Variants in SEPTIN9 observed in about 807,000 individuals in gnomAD.
SEPTIN9 encodes septin-9.
In SEPTIN9, 13 loss-of-function variants were observed where a neutral mutation model predicts 56.6. The ratio of observed to expected loss-of-function variants is 0.23; its 90% CI spans 0.15 to 0.37. SEPTIN9 has a LOEUF of 0.37. SEPTIN9 is among the 10% of genes least tolerant of loss of function. The pLI, the probability that SEPTIN9 is intolerant of heterozygous loss-of-function variation, is 1.00. For synonymous variants in SEPTIN9, 332 were observed against 334.1 expected, an observed-to-expected ratio of 0.99 and a Z score of 0.07; for missense variants, 650 against 823.1, an observed-to-expected ratio of 0.79 and a Z score of 2.57.
At chr17:77,363,999 G>C (rs1160728577) in intron 2 of SEPTIN9, among the ~76,000 whole-genome samples, 1 of 152,058 alleles carries the variant, frequency 6.6e-6, no homozygotes, top group Non-Finnish European at 1.5e-5. Context: ...AGTGAGGAGG[G>C]GGAACAGAGT....
intron 2 of SEPTIN9, chr17:77,375,961 TG>T: frequency 3.3e-6 from 1 of 304,796 alleles, no homozygotes; most frequent in Non-Finnish European, 4.8e-6. Context: ...CAGACAGACG[TG>T]GGGAAGGGAT....
intron 3 of SEPTIN9, among the ~76,000 whole-genome samples, chr17:77,448,288 C>T (rs892464406): frequency 6.6e-6 from 1 of 152,020 alleles, no homozygotes; most frequent in Non-Finnish European, 1.5e-5. Flanking sequence ...GCCTGGCCAA[C>T]ATGGTGAAAC....
chr17:77,303,928 C>T (rs950017487), intron 1 of SEPTIN9, among the ~76,000 whole-genome samples: 2 of 152,194 alleles, frequency 1.3e-5, no homozygotes, highest in African/African-American at 4.8e-5. Flanking sequence ...TTCCTGCCTC[C>T]TTTGCCTCCC....
rs566926651 is a variant in SEPTIN9 at position 77,428,497 on chromosome 17, G to C, written c.721+25794G>C. ...ACTAACAGTTCCACCCCCAAACTGG[G>C]TGGGAGTACCACATTCGAAATTGAA... On this transcript the variant is annotated intron_variant, in intron 3 of 11. Coordinates refer to ENST00000427177, the MANE Select transcript of SEPTIN9 (RefSeq NM_001113491.2). 4.6e-5 allele frequency among the ~76,000 whole-genome samples: 7 copies of C among 152,334 alleles called. No homozygotes were observed. In the South Asian group the frequency reaches 1.5e-3, roughly 32 times the overall value.
chr17:77,341,074 C>G (rs909043802), intron 2 of SEPTIN9, among the ~76,000 whole-genome samples: 1 of 152,228 alleles, frequency 6.6e-6, no homozygotes, highest in Non-Finnish European at 1.5e-5. Flanking sequence ...TTGCTTTCTT[C>G]TTCTTCATGT....
intron 3 of SEPTIN9, among the ~76,000 whole-genome samples, chr17:77,481,154 G>C (rs572419072): frequency 6.6e-6 from 1 of 152,188 alleles, no homozygotes; most frequent in Non-Finnish European, 1.5e-5. Context: ...GGCGTCTTCC[G>C]GGCGTCCGCC....
chr17:77,472,032 G>C (rs1409698813), intron 3 of SEPTIN9, among the ~76,000 whole-genome samples: 3 of 152,316 alleles, frequency 2.0e-5, no homozygotes, highest in African/African-American at 7.2e-5. Flanking sequence ...TGCAGCCTAA[G>C]TTCTGAGAGT....
chr17:77,352,854 G>T (rs923337025), intron 2 of SEPTIN9, among the ~76,000 whole-genome samples: 1 of 151,994 alleles, frequency 6.6e-6, no homozygotes, highest in Non-Finnish European at 1.5e-5. Context: ...TTGTAGAGAC[G>T]AGGGCCCAGG....
At position 77,324,845 on chromosome 17, in the gene SEPTIN9, G is replaced by A. The variant is rs571626432; in HGVS notation, c.76+17648G>A. Among the ~76,000 whole-genome samples, 15 of 143,458 alleles carry A rather than the reference G, an allele frequency of 1.0e-4. No homozygotes were observed. In the South Asian group the frequency reaches 3.3e-3, roughly 31 times the overall value. The allele number at this position is 143,458 out of a possible 152,430, so 94.1% of individuals were successfully genotyped here. On this transcript the variant is annotated intron_variant, in intron 2 of 11. Transcript: ENST00000427177. ...TTTTTTTTTTTTTTTTTGAGATGGAGTCTGACTCTGTTGCCCAGGCTGGAG... is the reference window on the plus strand; with the variant it reads ...TTTTTTTTTTTTTTTTTGAGATGGAATCTGACTCTGTTGCCCAGGCTGGAG...
At chr17:77,390,347 A>AC in intron 2 of SEPTIN9, among the ~76,000 whole-genome samples, 1 of 13,562 alleles carries the variant, frequency 7.4e-5, no homozygotes, top group South Asian at 2.2e-3. Context: ...ACTCCGTCTT[A>AC]AAAAAAAAAA....
At chr17:77,408,011 C>G (rs2036153838) in intron 3 of SEPTIN9, among the ~76,000 whole-genome samples, 1 of 151,732 alleles carries the variant, frequency 6.6e-6, no homozygotes, top group African/African-American at 2.4e-5. Context: ...CTCAGCCACA[C>G]CAGCCAAGTT....
At chr17:77,343,855 TAG>T (rs368038973) in intron 2 of SEPTIN9, among the ~76,000 whole-genome samples, 8 of 152,200 alleles carry the variant, frequency 5.3e-5, no homozygotes, top group African/African-American at 1.7e-4. Flanking sequence ...AGTGGAGAGA[TAG>T]AGTTTGTTTT....
intron 3 of SEPTIN9, among the ~76,000 whole-genome samples, chr17:77,472,120 C>A (rs771672504): frequency 2.6e-5 from 4 of 152,066 alleles, no homozygotes; most frequent in Non-Finnish European, 5.9e-5. Flanking sequence ...CAATAGGCCG[C>A]GGAGCCTGGG....
intron 3 of SEPTIN9, chr17:77,470,629 C>T (rs1260016410): frequency 6.6e-6 from 1 of 152,114 alleles, no homozygotes; most frequent in Non-Finnish European, 1.5e-5. Context: ...CATCCATTCA[C>T]CTGCCTGTTC....
intron 3 of SEPTIN9, among the ~76,000 whole-genome samples, chr17:77,415,359 C>T (rs1292848815): frequency 1.3e-5 from 2 of 151,998 alleles, no homozygotes; most frequent in Non-Finnish European, 2.9e-5. Flanking sequence ...GTAATCCCAG[C>T]ACTTTGGGAA....
chr17:77,365,001 T>C (rs312884), intron 2 of SEPTIN9, among the ~76,000 whole-genome samples: 118,410 of 152,178 alleles, frequency 0.78, 46,363 homozygotes, highest in East Asian at 0.97. Context: ...TTCCCATAGT[T>C]AGAGCATCGG....
intron 1 of SEPTIN9, among the ~76,000 whole-genome samples, chr17:77,302,406 G>A (rs1036817804): frequency 1.1e-4 from 16 of 152,172 alleles, no homozygotes; most frequent in South Asian, 8.3e-4. Flanking sequence ...CTGGCCGGGC[G>A]TGGTGGCTCA....
chr17:77,368,309 G>T (rs941315387), intron 2 of SEPTIN9, among the ~76,000 whole-genome samples: 32 of 145,476 alleles, frequency 2.2e-4, no homozygotes, highest in East Asian at 1.5e-3. Context: ...TGTCTTTTTT[G>T]TTTTTGTTTT....
chr17:77,450,871 G>A lies in SEPTIN9; in HGVS notation c.722-31273G>A. 1 of 926,386 alleles carries A rather than the reference G, an allele frequency of 1.1e-6. No individual in the cohort carries two copies. Among genetic ancestry groups the A allele is most frequent in the Non-Finnish European group, 1.3e-6 (1 of 776,072 alleles). 57.4% of individuals were successfully genotyped at this position (926,386 alleles called of 1,614,324 possible). A position where few individuals can be genotyped will look rare whatever the true frequency, so the allele number is the denominator to read the frequency against. On this transcript the variant is annotated intron_variant, in intron 3 of 11. Transcript: ENST00000427177. The surrounding 1 kb of genome is among the most constrained non-coding windows in gnomAD (Gnocchi z 6.0). ...CAGCCAGCAAGCACCTGGGGTAGAG[G>A]GGACAAACCCAGGTGGCTGTGTTCC... is the stretch of plus-strand genomic sequence containing the variant.
Sources: allele counts gnomAD v4.1 joint callset (sites outside exome capture counted in the v4.1 genomes callset), GRCh38; gene constraint gnomAD v4.1.1; non-coding constraint Gnocchi (gnomAD v3.1); transcripts MANE v1.5; gene names NCBI Gene and HGNC (gene_info 2026-07-23, HGNC 2026-07-21).